SLC30A8: variants seen among roughly 807,000 people sequenced by gnomAD.
The protein encoded by SLC30A8 is proton-coupled zinc antiporter SLC30A8.
SLC30A8 carries 27 observed loss-of-function variants against 36.9 expected under a neutral mutation model. The observed-to-expected ratio is 0.73, with a 90% CI of 0.54 to 1.01. The LOEUF is 1.01. Ranked by LOEUF, SLC30A8 falls within the 50% of genes least tolerant of loss-of-function variation. SLC30A8 has a pLI of 0.00. For synonymous variants in SLC30A8, 164 were observed against 172.4 expected (o/e 0.95, Z 0.38); for missense variants, 439 against 452.0 (o/e 0.97, Z 0.26).
chr8:117,014,727 A>G (rs755567578), intron 1 of SLC30A8, among the ~76,000 whole-genome samples: 29 of 152,248 alleles, frequency 1.9e-4, no homozygotes, highest in African/African-American at 6.5e-4. Flanking sequence ...TTCTATTGAT[A>G]GGTCACTGCC....
At chr8:116,969,491 G>C (rs780102649) in intron 1 of SLC30A8, among the ~76,000 whole-genome samples, 1 of 152,136 alleles carries the variant, frequency 6.6e-6, no homozygotes, top group Non-Finnish European at 1.5e-5. Flanking sequence ...AAGTAACTTC[G>C]TATGTATTTA....
intron 1 of SLC30A8, among the ~76,000 whole-genome samples, chr8:117,017,691 A>G (rs1816563605): frequency 6.6e-6 from 1 of 152,258 alleles, no homozygotes; most frequent in Non-Finnish European, 1.5e-5. Flanking sequence ...GCATTATATG[A>G]GAGTGACTAA....
chr8:117,002,126 T>C (rs1350002473), intron 1 of SLC30A8, among the ~76,000 whole-genome samples: 4 of 152,354 alleles, frequency 2.6e-5, no homozygotes, highest in Non-Finnish European at 5.9e-5. Flanking sequence ...AAAAATTCCA[T>C]CCCATTATTA....
chr8:117,143,285 AC>A (rs1821743007), intron 1 of SLC30A8, among the ~76,000 whole-genome samples: 1 of 152,068 alleles, frequency 6.6e-6, no homozygotes, highest in African/African-American at 2.4e-5. Context: ...ATATTTCTGT[AC>A]TTTTTCATCT....
At chr8:117,115,021 G>A (rs973384951) in intron 2 of SLC30A8, among the ~76,000 whole-genome samples, 1 of 152,016 alleles carries the variant, frequency 6.6e-6, no homozygotes, top group Non-Finnish European at 1.5e-5. Context: ...TGATTCTCCT[G>A]TCTCAGCCTC....
intron 2 of SLC30A8, among the ~76,000 whole-genome samples, chr8:117,047,530 A>G (rs1216644028): frequency 1.3e-5 from 2 of 152,180 alleles, no homozygotes; most frequent in South Asian, 4.1e-4. Flanking sequence ...GGTGACTGAC[A>G]TCAACTCCCA....
rs563046448 is a variant in SLC30A8, at chr8:117,098,655, G to T, written c.-225-36625G>T. ...AGACTTGATTTTGTGATGGGATCAG[G>T]TAACAGAAAATAAACAGACTGTTTG... On this transcript the variant is annotated intron_variant, in intron 2 of 10. Coordinates refer to the SLC30A8 transcript ENST00000427715. Among the ~76,000 whole-genome samples the T allele has an allele frequency of 2.0e-4, 31 of 152,256 alleles. No individual in the cohort carries two copies. The South Asian group carries it at 6.4e-3, about 32-fold the overall frequency.
At chr8:117,031,552 C>G (rs993187245) in intron 1 of SLC30A8, among the ~76,000 whole-genome samples, 11 of 151,832 alleles carry the variant, frequency 7.2e-5, no homozygotes, top group African/African-American at 2.7e-4. Context: ...CCTCTGCCTC[C>G]TGGGTTCAAG....
chr8:117,168,678 A>AT (rs1823193896), intron 6 of SLC30A8, among the ~76,000 whole-genome samples: 1 of 152,136 alleles, frequency 6.6e-6, no homozygotes, highest in Non-Finnish European at 1.5e-5. Context: ...TCATGACTTA[A>AT]TTTCAAAGGG....
chr8:117,144,608 C>T (rs1821814219), intron 1 of SLC30A8, among the ~76,000 whole-genome samples: 2 of 152,176 alleles, frequency 1.3e-5, no homozygotes, highest in Non-Finnish European at 2.9e-5. Flanking sequence ...TATGATATAG[C>T]TATATTAAAT....
chr8:117,019,675 G>A (rs534707634), intron 1 of SLC30A8, among the ~76,000 whole-genome samples: 2 of 152,276 alleles, frequency 1.3e-5, no homozygotes, highest in Admixed American at 6.5e-5. Flanking sequence ...ACTGGAACAC[G>A]GAGGCTGTGC....
Position 117,150,613 on chromosome 8 carries a change from AT to A in SLC30A8, c.272-2321del, listed in dbSNP as rs956956423. 1.1e-3 allele frequency among the ~76,000 whole-genome samples: 161 copies of A among 150,800 alleles called. 1 individual carries two copies. The highest frequency in any genetic ancestry group is 3.8e-3 in the African/African-American group (156 of 41,106). On this transcript the variant is annotated intron_variant, in intron 2 of 7. Transcript: ENST00000456015. The stretch of plus-strand genomic sequence containing the variant: ...AACACTATCGAGACTTTAAAAGAAA[AT>A]TTTTTTTTTGAGACGGGGTCTCGTT...
chr8:117,067,744 C>T (rs896305489), intron 2 of SLC30A8, among the ~76,000 whole-genome samples: 13 of 152,080 alleles, frequency 8.5e-5, no homozygotes, highest in Non-Finnish European at 1.6e-4. Flanking sequence ...ATTCAGTGTA[C>T]TAATATTAAT....
chr8:117,176,399 AT>A lies in SLC30A8; in HGVS notation c.*3720del, dbSNP rs1029997470. The A allele has an allele frequency of 2.6e-5, 4 of 152,450 alleles. No homozygotes were observed. Among genetic ancestry groups the A allele is most frequent in the African/African-American group, 7.2e-5 (3 of 41,410 alleles). 9.4% of individuals were successfully genotyped at this position (152,450 alleles called of 1,614,324 possible). On this transcript the variant is annotated 3_prime_UTR_variant, in exon 8 of 8. Transcript: ENST00000456015. ...TGATTTTCTCAGCTCATCTCTCTGT[AT>A]TCCCTGTTTTGGATCACAGGGCAAT...
At chr8:117,089,197 T>C (rs898075295) in intron 2 of SLC30A8, among the ~76,000 whole-genome samples, 1 of 152,202 alleles carries the variant, frequency 6.6e-6, no homozygotes, top group Non-Finnish European at 1.5e-5. Context: ...TCTACCTAGG[T>C]GGGCTTTTCT....
At chr8:117,053,557 T>C (rs1056275702) in intron 2 of SLC30A8, among the ~76,000 whole-genome samples, 3 of 152,152 alleles carry the variant, frequency 2.0e-5, no homozygotes, top group Admixed American at 6.5e-5. Context: ...CCAGCTATTA[T>C]AGGAATGTCT....
intron 1 of SLC30A8, among the ~76,000 whole-genome samples, chr8:116,992,434 C>T (rs1159039345): frequency 1.3e-5 from 2 of 151,978 alleles, no homozygotes; most frequent in African/African-American, 4.8e-5. Context: ...AGAATGTACA[C>T]GATGAGCCCT....
intron 4 of SLC30A8, among the ~76,000 whole-genome samples, chr8:117,160,034 G>A (rs944522704): frequency 1.3e-5 from 2 of 152,204 alleles, no homozygotes; most frequent in African/African-American, 4.8e-5. Flanking sequence ...TAAGAATGCT[G>A]AGTGACTATA....
At chr8:117,039,518 G>GAT (rs1817318094) in intron 2 of SLC30A8, among the ~76,000 whole-genome samples, 1 of 152,054 alleles carries the variant, frequency 6.6e-6, no homozygotes, top group South Asian at 2.1e-4. Context: ...AATCCTTTTT[G>GAT]ATACCTGTAG....
Sources: allele counts gnomAD v4.1 joint callset (sites outside exome capture counted in the v4.1 genomes callset), GRCh38; gene constraint gnomAD v4.1.1; transcripts MANE v1.5; gene names NCBI Gene and HGNC (gene_info 2026-07-23, HGNC 2026-07-21).